Variants in DTNA observed in about 807,000 individuals in gnomAD.
The protein encoded by DTNA is dystrophin-related protein 3.
Under a neutral mutation model 100.7 loss-of-function variants are expected in DTNA, and 43 were observed. That is an observed-to-expected ratio of 0.43 (90% CI 0.33 to 0.55). The LOEUF is 0.55. Ranked by LOEUF, DTNA falls within the 20% of genes least tolerant of loss-of-function variation. The pLI, the probability that DTNA is intolerant of heterozygous loss-of-function variation, is 0.04. For missense variants in DTNA, 798 were observed against 953.9 expected (o/e 0.84, Z 2.15); for synonymous variants, 349 against 347.9 (o/e 1.00, Z -0.04).
intron 1 of DTNA, among the ~76,000 whole-genome samples, chr18:34,739,966 C>T (rs577510774): frequency 5.3e-5 from 8 of 151,998 alleles, no homozygotes; most frequent in Non-Finnish European, 1.0e-4. Context: ...GATGTCCTGA[C>T]CTTATATAAG....
chr18:34,531,449 C>T (rs1276415661), intron 1 of DTNA, among the ~76,000 whole-genome samples: 2 of 152,096 alleles, frequency 1.3e-5, no homozygotes, highest in African/African-American at 4.8e-5. Flanking sequence ...AAATTTAAAA[C>T]TATCTCATAA....
chr18:34,705,811 T>G (rs374721298), upstream of DTNA, among the ~76,000 whole-genome samples: 22 of 152,168 alleles, frequency 1.4e-4, no homozygotes, highest in African/African-American at 4.6e-4. Context: ...CAGTAAGGGA[T>G]AGTTAAATAA....
intron 16 of DTNA, among the ~76,000 whole-genome samples, chr18:34,863,006 A>G (rs1362622305): frequency 1.3e-5 from 2 of 152,166 alleles, no homozygotes; most frequent in Non-Finnish European, 2.9e-5. Flanking sequence ...TAATACATAC[A>G]TGTTTAAAGT....
intron 9 of DTNA, among the ~76,000 whole-genome samples, chr18:34,823,893 C>T (rs537561162): frequency 6.6e-6 from 1 of 152,270 alleles, no homozygotes; most frequent in South Asian, 2.1e-4. Flanking sequence ...CATCCTCTGT[C>T]CTGTACTGAT....
chr18:34,866,786 G>T (rs1263994466), intron 17 of DTNA: 26 of 992,352 alleles, frequency 2.6e-5, no homozygotes, highest in Non-Finnish European at 3.1e-5. Context: ...ACTGTTGGTT[G>T]ACAGTAATCT....
chr18:34,843,650 C>T (rs574773356), intron 13 of DTNA, among the ~76,000 whole-genome samples: 2 of 152,170 alleles, frequency 1.3e-5, no homozygotes, highest in East Asian at 1.9e-4. Context: ...ACACTATGAC[C>T]TCATTTAACT....
chr18:34,838,745 G>T lies in DTNA; in HGVS notation c.1254G>T (p.Gly418=). 1 of 1,613,422 alleles carries T rather than the reference G, an allele frequency of 6.2e-7. No homozygotes were observed. The highest frequency in any genetic ancestry group is 8.5e-7 in the Non-Finnish European group (1 of 1,179,522). ...RAAPAFLKGK[G]IQYSLNVADR... is the part of the protein sequence containing the mutation. ...TTTCTTTCCCCCTGCCCTGTTTCAG[G>T]ATACAGTACAGCCTGAATGTGGCAG... is the stretch of plus-strand genomic sequence containing the variant. Residue 418 remains glycine (G), a splice_region_variant and synonymous_variant, in exon 13 of 23, where the codon GGG becomes GGT. Transcript: ENST00000444659.
Position 34,820,680 on chromosome 18 carries a change from T to C in DTNA, c.877-111T>C, listed in dbSNP as rs1008210280. The C allele has an allele frequency of 5.2e-6, 8 of 1,543,844 alleles. No homozygotes were observed. In the Admixed American group the frequency reaches 6.9e-5, roughly 13 times the overall value. The stretch of plus-strand genomic sequence containing the variant: ...AAACTTCCAGACTCAGAATCAGCAC[T>C]GAAAAAGGATTTCTTCCGTAAATGA... On this transcript the variant is annotated intron_variant, in intron 8 of 22. Coordinates refer to ENST00000444659, the MANE Select transcript of DTNA (RefSeq NM_001386795.1).
At chr18:34,677,249 A>G (rs1005182715) in intron 1 of DTNA, among the ~76,000 whole-genome samples, 1 of 152,184 alleles carries the variant, frequency 6.6e-6, no homozygotes, top group African/African-American at 2.4e-5. Flanking sequence ...CCTGGTCAAG[A>G]TGTCAACCTG....
intron 1 of DTNA, among the ~76,000 whole-genome samples, chr18:34,725,361 A>G (rs2086382182): frequency 6.6e-6 from 1 of 152,060 alleles, no homozygotes; most frequent in Non-Finnish European, 1.5e-5. Context: ...ACAAAGGGCT[A>G]ATATCTAGAA....
rs1269783175 is a variant in DTNA, at chr18:34,891,346, T to C, written c.*3612T>C. On this transcript the variant is annotated 3_prime_UTR_variant, in exon 23 of 23. Transcript: ENST00000444659. ...GAAGTGATTAAACTATTTAATTGTG[T>C]GTCTATATTTTGGAGTGGAATAATT... The C allele has an allele frequency of 1.3e-5, 2 of 152,594 alleles. No homozygotes were observed. The highest frequency in any genetic ancestry group is 4.8e-5 in the African/African-American group (2 of 41,444). The allele number at this position is 152,594 out of a possible 1,614,324, so 9.5% of individuals were successfully genotyped here. A position where few individuals can be genotyped will look rare whatever the true frequency, so the allele number is the denominator to read the frequency against.
At chr18:34,728,996 T>C (rs2087425511) in intron 1 of DTNA, among the ~76,000 whole-genome samples, 1 of 151,908 alleles carries the variant, frequency 6.6e-6, no homozygotes, top group Admixed American at 6.6e-5. Flanking sequence ...TGCACCTCTA[T>C]GTCTGAAGGA....
chr18:34,665,419 T>TTA (rs1192731257), intron 1 of DTNA, among the ~76,000 whole-genome samples: 2 of 152,058 alleles, frequency 1.3e-5, no homozygotes, highest in Non-Finnish European at 2.9e-5. Context: ...GAAGAATTAT[T>TTA]TATATATATA....
chr18:34,713,170 C>A (rs370951251), intron 1 of DTNA, among the ~76,000 whole-genome samples: 1 of 151,572 alleles, frequency 6.6e-6, no homozygotes, highest in Non-Finnish European at 1.5e-5. Context: ...ATAATGATAA[C>A]GACAATAATG....
In DTNA at chr18:34,624,051, G is replaced by C. The variant is rs117813267; in HGVS notation, c.-2+130537G>C. On this transcript the variant is annotated intron_variant, in intron 1 of 19. Transcript: ENST00000283365. ...AATTTTTAATTAAAATTACCCAAAG[G>C]CCTAGTGAAATGATTTCCCATGACT... Among the ~76,000 whole-genome samples, 913 of 152,144 alleles carry C rather than the reference G, an allele frequency of 6.0e-3. 2 individuals carry two copies. Among genetic ancestry groups the C allele is most frequent in the Non-Finnish European group, 0.01 (709 of 68,004 alleles).
At chr18:34,654,972 C>A (rs749817329) in intron 1 of DTNA, among the ~76,000 whole-genome samples, 10 of 152,182 alleles carry the variant, frequency 6.6e-5, no homozygotes, top group Non-Finnish European at 1.2e-4. Context: ...GGTGATCCAC[C>A]TGCCTCGGCC....
chr18:34,884,863 T>C (rs1300279869), intron 22 of DTNA, 87 bp downstream of exon 22: 2 of 1,445,900 alleles, frequency 1.4e-6, no homozygotes, highest in Non-Finnish European at 1.9e-6. Context: ...TCACTTCTCT[T>C]AGTCATTTCT....
At chr18:34,516,201 G>A (rs939613962) in intron 1 of DTNA, among the ~76,000 whole-genome samples, 8 of 152,064 alleles carry the variant, frequency 5.3e-5, no homozygotes, top group East Asian at 1.9e-4. Flanking sequence ...ATCACATATC[G>A]GCAGGTTCCA....
intron 1 of DTNA, among the ~76,000 whole-genome samples, chr18:34,591,457 G>C (rs1003737811): frequency 6.6e-6 from 1 of 152,166 alleles, no homozygotes; most frequent in African/African-American, 2.4e-5. Flanking sequence ...TTATGTGCTA[G>C]TGCTCACTCT....
Sources: allele counts gnomAD v4.1 joint callset (sites outside exome capture counted in the v4.1 genomes callset), GRCh38; gene constraint gnomAD v4.1.1; transcripts MANE v1.5; gene names NCBI Gene and HGNC (gene_info 2026-07-23, HGNC 2026-07-21).